The following CCDC7 variants were observed in gnomAD, a reference collection of about 807,000 sequenced individuals.
CCDC7 encodes coiled-coil domain containing 7, also known as coiled-coil domain-containing protein 7.
A neutral mutation model predicts 196.9 loss-of-function variants in CCDC7; 183 were observed. The observed-to-expected ratio is 0.93, with a 90% confidence interval of 0.82 to 1.05. The LOEUF is 1.05. Among genes scored for constraint, CCDC7 ranks in the 50% least tolerant of loss-of-function variants. CCDC7 has a pLI of 0.00. For missense variants in CCDC7, 1,540 were observed against 1,482.2 expected, an observed-to-expected ratio of 1.04 and a Z score of -0.64; for synonymous variants, 525 against 484.6, an observed-to-expected ratio of 1.08 and a Z score of -1.10.
At chr10:32,803,239 G>A (rs1404343391) in intron 29 of CCDC7, among the ~76,000 whole-genome samples, 1 of 152,184 alleles carries the variant, frequency 6.6e-6, no homozygotes, top group Admixed American at 6.5e-5. Flanking sequence ...GAAATGTTCT[G>A]TAAATGTCTG....
At chr10:32,448,076 A>C (rs1483746820), upstream of CCDC7, among the ~76,000 whole-genome samples, 1 of 152,202 alleles carries the variant, frequency 6.6e-6, no homozygotes, top group Non-Finnish European at 1.5e-5. Flanking sequence ...TGATTTAAAA[A>C]TTATGCTTGG....
chr10:32,538,606 T>C (rs2050887303), intron 11 of CCDC7, among the ~76,000 whole-genome samples: 1 of 152,218 alleles, frequency 6.6e-6, no homozygotes, highest in African/African-American at 2.4e-5. Flanking sequence ...TTCAATATGA[T>C]GTTGGCTGTG....
chr10:32,825,879 T>C (rs976624419), intron 32 of CCDC7, among the ~76,000 whole-genome samples: 5 of 152,122 alleles, frequency 3.3e-5, no homozygotes, highest in African/African-American at 1.2e-4. Flanking sequence ...AATGGGACCC[T>C]GCAACTTGGA....
At chr10:32,564,096 A>G (rs1360496735) in intron 13 of CCDC7, among the ~76,000 whole-genome samples, 2 of 152,196 alleles carry the variant, frequency 1.3e-5, no homozygotes, top group African/African-American at 4.8e-5. Context: ...CAAAACCACA[A>G]TGAGATACCA....
At chr10:32,584,035 T>C (rs1411629897) in intron 17 of CCDC7, among the ~76,000 whole-genome samples, 197 bp from the exon 19 acceptor site, 1 of 152,124 alleles carries the variant, frequency 6.6e-6, no homozygotes, top group Non-Finnish European at 1.5e-5. Context: ...CAATTGCCTC[T>C]CAGGTCCATT....
At chr10:32,878,868 C>T (rs182451831), downstream of CCDC7, among the ~76,000 whole-genome samples, 1 of 152,098 alleles carries the variant, frequency 6.6e-6, no homozygotes, top group Admixed American at 6.5e-5. Flanking sequence ...CTGCTGAAGC[C>T]AAATATAAAT....
intron 8 of CCDC7, among the ~76,000 whole-genome samples, chr10:32,480,688 T>C (rs1360995824): frequency 1.3e-5 from 2 of 152,222 alleles, no homozygotes; most frequent in African/African-American, 2.4e-5. Context: ...TATTGATTTC[T>C]AGTTTCATGC....
intron 31 of CCDC7, among the ~76,000 whole-genome samples, chr10:32,815,220 A>T (rs1565587611): frequency 6.6e-6 from 1 of 152,170 alleles, no homozygotes; most frequent in African/African-American, 2.4e-5. Context: ...CTGTAACCCA[A>T]ACACAAGGAA....
At chr10:32,449,765 G>A (rs2032512558), upstream of CCDC7, among the ~76,000 whole-genome samples, 1 of 152,190 alleles carries the variant, frequency 6.6e-6, no homozygotes, top group Admixed American at 6.5e-5. Flanking sequence ...GAATTAGGAG[G>A]TGGGGCCTTT....
chr10:32,525,573 A>G (rs1480688845), intron 11 of CCDC7, among the ~76,000 whole-genome samples: 3 of 151,992 alleles, frequency 2.0e-5, no homozygotes, highest in Non-Finnish European at 2.9e-5. Flanking sequence ...TCATTTGGTG[A>G]GGTTATGTTT....
intron 18 of CCDC7, among the ~76,000 whole-genome samples, chr10:32,610,583 C>T (rs988268281): frequency 1.3e-5 from 2 of 152,130 alleles, no homozygotes; most frequent in African/African-American, 4.8e-5. Flanking sequence ...CCCTCTACCC[C>T]CACAACAGGC....
At chr10:32,704,625 G>T (rs2079373947) in intron 24 of CCDC7, among the ~76,000 whole-genome samples, 1 of 152,104 alleles carries the variant, frequency 6.6e-6, no homozygotes, top group South Asian at 2.1e-4. Context: ...TACTGAGGCA[G>T]GCAGGCCTCC....
At chr10:32,655,359 G>C (rs761081507) in intron 20 of CCDC7, among the ~76,000 whole-genome samples, 1 of 151,980 alleles carries the variant, frequency 6.6e-6, no homozygotes, top group South Asian at 2.1e-4. Flanking sequence ...ATTATACAAG[G>C]GTTTTCTTTC....
At chr10:32,719,841 A>C (rs1362826995) in intron 25 of CCDC7, among the ~76,000 whole-genome samples, 1 of 152,194 alleles carries the variant, frequency 6.6e-6, no homozygotes, top group Non-Finnish European at 1.5e-5. Context: ...ATCAATTAGA[A>C]TGGTGATCAT....
At chr10:32,796,113 C>T (rs918362200) in intron 29 of CCDC7, among the ~76,000 whole-genome samples, 2 of 151,920 alleles carry the variant, frequency 1.3e-5, no homozygotes, top group African/African-American at 4.8e-5. Flanking sequence ...ACTTCAGGCT[C>T]TCTTATTCTT....
At chr10:32,706,182 A>C (rs755641209) in intron 24 of CCDC7, among the ~76,000 whole-genome samples, 1 of 152,172 alleles carries the variant, frequency 6.6e-6, no homozygotes, top group Non-Finnish European at 1.5e-5. Context: ...AAACTGCTCA[A>C]CTATAGGGAA....
intron 8 of CCDC7, among the ~76,000 whole-genome samples, chr10:32,484,073 A>C (rs904001460): frequency 6.6e-6 from 1 of 152,196 alleles, no homozygotes; most frequent in Non-Finnish European, 1.5e-5. Context: ...TTGAATCTAT[A>C]AATTACCTTG....
intron 33 of CCDC7, among the ~76,000 whole-genome samples, chr10:32,843,715 CTT>C: frequency 6.6e-6 from 1 of 152,086 alleles, no homozygotes; most frequent in East Asian, 1.9e-4. Context: ...ATCTAAGAAT[CTT>C]TGCATACTCA....
chr10:32,690,453 G>A (rs902970427), intron 23 of CCDC7, among the ~76,000 whole-genome samples: 2 of 152,178 alleles, frequency 1.3e-5, no homozygotes, highest in Admixed American at 1.3e-4. Context: ...GTCAGTTGTT[G>A]CAAACAAGTT....
Sources: gnomAD v4.1 joint callset for allele counts (sites outside exome capture counted in the v4.1 genomes callset) on GRCh38, gnomAD v4.1.1 for gene constraint, MANE v1.5 for transcripts, NCBI Gene and HGNC (gene_info 2026-07-23, HGNC 2026-07-21) for gene names.